PRR16: variants seen among roughly 807,000 people sequenced by gnomAD.
PRR16 encodes proline rich 16.
A neutral mutation model predicts 18.2 loss-of-function variants in PRR16; 6 were observed. That is an observed-to-expected ratio of 0.33 (90% CI 0.18 to 0.65). PRR16 has a LOEUF of 0.65. Ranked by LOEUF, PRR16 falls within the 30% of genes least tolerant of loss-of-function variation. The pLI is 0.74. For missense variants in PRR16, 412 were observed against 376.6 expected, an observed-to-expected ratio of 1.09 and a Z score of -0.78; for synonymous variants, 151 against 147.8, an observed-to-expected ratio of 1.02 and a Z score of -0.16.
intron 1 of PRR16, among the ~76,000 whole-genome samples, chr5:120,495,808 T>C (rs1750225358): frequency 6.6e-6 from 1 of 152,092 alleles, no homozygotes; most frequent in Non-Finnish European, 1.5e-5. Flanking sequence ...TTATATCCTT[T>C]TCTTGCATTA....
chr5:120,712,680 GACAT>G, the PRR16 span, among the ~76,000 whole-genome samples: 8 of 151,954 alleles, frequency 5.3e-5, no homozygotes, highest in Non-Finnish European at 2.9e-5. Context: ...TTCCAAAGAA[GACAT>G]ACAAATGAAA....
intron 1 of PRR16, among the ~76,000 whole-genome samples, chr5:120,503,434 A>G (rs1750531672): frequency 6.6e-6 from 1 of 152,192 alleles, no homozygotes. Context: ...TAGAAATAAT[A>G]ATAGACTCAG....
At chr5:120,746,806 G>A in the PRR16 span, among the ~76,000 whole-genome samples, 22,484 of 151,998 alleles carry the variant, frequency 0.15, 2,532 homozygotes, top group African/African-American at 0.31. Flanking sequence ...GAAGGGAGGC[G>A]AGGGAATACT....
chr5:120,691,116 C>G (rs1218484207), downstream of PRR16, among the ~76,000 whole-genome samples: 1 of 152,034 alleles, frequency 6.6e-6, no homozygotes, highest in Non-Finnish European at 1.5e-5. Flanking sequence ...TGTAGAAATT[C>G]CAGACCTCAG....
chr5:120,502,034 G>A (rs559421352), intron 1 of PRR16, among the ~76,000 whole-genome samples: 2 of 145,902 alleles, frequency 1.4e-5, no homozygotes, highest in Non-Finnish European at 3.0e-5. Flanking sequence ...GGGGACTCAA[G>A]TACTCCTCAA....
At chr5:120,783,733 C>T in the PRR16 span, among the ~76,000 whole-genome samples, 3 of 152,190 alleles carry the variant, frequency 2.0e-5, no homozygotes, top group African/African-American at 4.8e-5. Flanking sequence ...ATTCCAAACC[C>T]ACTCTAGTTA....
chr5:120,686,504 C>G lies in PRR16; in HGVS notation c.710C>G (p.Pro237Arg), dbSNP rs774649325. Residue 237 changes from proline (P) to arginine (R), a missense_variant, in exon 2 of 2, where the codon CCT becomes CGT. Pro to Arg is a moderately radical substitution (Grantham distance 103). Transcript: ENST00000407149. Reference protein sequence around the residue: ...KNREVHLHSEPVHPPGKIPHQ... With the variant: ...KNREVHLHSERVHPPGKIPHQ... ...AGGGAGGTCCACTTACACAGTGAAC[C>G]TGTCCACCCACCGGGAAAGATTCCT... The G allele has an allele frequency of 1.2e-6, 2 of 1,613,904 alleles. No homozygotes were observed. Among genetic ancestry groups the G allele is most frequent in the African/African-American group, 2.7e-5 (2 of 74,886 alleles).
intron 1 of PRR16, among the ~76,000 whole-genome samples, chr5:120,487,170 C>A (rs954702040): frequency 6.6e-6 from 1 of 152,132 alleles, no homozygotes; most frequent in Non-Finnish European, 1.5e-5. Flanking sequence ...GTAGTTTTTT[C>A]CAATTCTGTG....
the PRR16 span, among the ~76,000 whole-genome samples, chr5:120,705,551 C>A: frequency 3.3e-5 from 5 of 152,054 alleles, no homozygotes; most frequent in Admixed American, 1.3e-4. Flanking sequence ...TATGTTTTTT[C>A]TTTATAATCA....
intron 1 of PRR16, among the ~76,000 whole-genome samples, chr5:120,605,707 G>A (rs1754131500): frequency 6.6e-6 from 1 of 152,142 alleles, no homozygotes; most frequent in Non-Finnish European, 1.5e-5. Flanking sequence ...ATTCTTTGAT[G>A]CCCTTTAGGG....
the PRR16 span, among the ~76,000 whole-genome samples, chr5:120,783,262 A>G: frequency 3.9e-5 from 6 of 152,346 alleles, no homozygotes; most frequent in Admixed American, 3.9e-4. Flanking sequence ...GAAGCATGAA[A>G]TGAAACGTTT....
At chr5:120,617,098 C>T in intron 1 of PRR16, 2 of 984,946 alleles carry the variant, frequency 2.0e-6, no homozygotes, top group Non-Finnish European at 2.4e-6. Context: ...TTAACAGAAG[C>T]TCCATTACCT....
chr5:120,785,569 G>GTTTTTTTTTTTTTTTTTTTTT, the PRR16 span, among the ~76,000 whole-genome samples: 2 of 99,606 alleles, frequency 2.0e-5, no homozygotes, highest in African/African-American at 3.8e-5. Context: ...GTGTTTTGTT[G>GTTTTTTTTTTTTTTTTTTTTT]TTGTTGTTTT....
the PRR16 span, among the ~76,000 whole-genome samples, chr5:120,701,730 G>T: frequency 6.6e-6 from 1 of 152,264 alleles, no homozygotes; most frequent in East Asian, 1.9e-4. Flanking sequence ...TTGGTACTGA[G>T]GGGATAGACA....
chr5:120,710,118 C>T, the PRR16 span, among the ~76,000 whole-genome samples: 1 of 152,038 alleles, frequency 6.6e-6, no homozygotes, highest in East Asian at 1.9e-4. Context: ...CCCCTTTTTC[C>T]GTATCCTTGC....
At chr5:120,468,341 GGA>G (rs1320346337) in intron 1 of PRR16, among the ~76,000 whole-genome samples, 7 of 152,086 alleles carry the variant, frequency 4.6e-5, no homozygotes, top group Admixed American at 1.3e-4. Context: ...TTGGAGAAAT[GGA>G]GAGTTAAAAA....
At chr5:120,471,923 G>A (rs564781110) in intron 1 of PRR16, among the ~76,000 whole-genome samples, 23 of 152,220 alleles carry the variant, frequency 1.5e-4, no homozygotes, top group African/African-American at 5.1e-4. Context: ...GCTTATATGG[G>A]ATAAGCTATT....
At chr5:120,540,305 T>C (rs1056381798) in intron 1 of PRR16, among the ~76,000 whole-genome samples, 1 of 151,340 alleles carries the variant, frequency 6.6e-6, no homozygotes, top group Admixed American at 6.6e-5. Context: ...CTAGATTGTA[T>C]GTTTTTGAAT....
chr5:120,519,357 G>A (rs983558700), intron 1 of PRR16, among the ~76,000 whole-genome samples: 1 of 152,112 alleles, frequency 6.6e-6, no homozygotes, highest in Non-Finnish European at 1.5e-5. Context: ...TCTGTATAGT[G>A]ATAATTACGT....
Sources: allele counts gnomAD v4.1 joint callset (sites outside exome capture counted in the v4.1 genomes callset), GRCh38; gene constraint gnomAD v4.1.1; transcripts MANE v1.5; gene names NCBI Gene and HGNC (gene_info 2026-07-23, HGNC 2026-07-21).